FITM2: variants seen among roughly 807,000 people sequenced by gnomAD.
FITM2 encodes fat storage inducing transmembrane protein 2.
In FITM2, 16 loss-of-function variants were observed where a neutral mutation model predicts 23.3. That is an observed-to-expected ratio of 0.69 (90% confidence interval 0.47 to 1.05). FITM2 has a LOEUF of 1.05. FITM2 is among the 50% of genes least tolerant of loss of function. FITM2 has a pLI of 0.00. For missense variants in FITM2, 273 were observed against 327.5 expected (o/e 0.83, Z 1.29); for synonymous variants, 132 against 142.0 (o/e 0.93, Z 0.50).
At position 44,306,672 on chromosome 20, in the gene FITM2, G is replaced by A; in HGVS notation, c.742C>T (p.Pro248Ser). ...YPKAFSPGLP[P>S]QSCSLNLKQD... Reference sequence around the variant, plus strand: ...TTCAAATTCAAACTACAGCTCTGGGGAGGAAGTCCTGGGGAAAAGGCTTTC... The same window carrying A: ...TTCAAATTCAAACTACAGCTCTGGGAAGGAAGTCCTGGGGAAAAGGCTTTC... The change falls in exon 2 of 2, where the codon CCC becomes TCC. Residue 248 changes from proline to serine, a missense_variant. By Grantham distance (74) the Pro-to-Ser change is moderately conservative. This residue lies in a region of FITM2 where 33 missense variants were observed against 26.3 expected (regional missense o/e 1.25). Transcript: ENST00000396825. 6.2e-7 allele frequency: 1 copy of A among 1,614,118 alleles called. No individual in the cohort carries two copies. Among genetic ancestry groups the A allele is most frequent in the Non-Finnish European group, 8.5e-7 (1 of 1,180,032 alleles).
At chr20:44,308,106 C>T (rs1056103815) in intron 1 of FITM2, among the ~76,000 whole-genome samples, 5 of 151,042 alleles carry the variant, frequency 3.3e-5, no homozygotes, top group African/African-American at 7.3e-5. Context: ...ACAAAACAAA[C>T]GAAAAAAAAC....
In FITM2 at chr20:44,307,155, C is replaced by A; in HGVS notation, c.259G>T (p.Ala87Ser). The change falls in exon 2 of 2, where the codon GCT becomes TCT. Residue 87 changes from alanine (A) to serine (S), a missense_variant. Coordinates refer to ENST00000396825, the MANE Select transcript of FITM2 (RefSeq NM_001080472.4). ...CTCAGCCGCCGCAGGACCAAGCCAG[C>A]CTTGCCGGTCAGATGGTAGTTGGTG... is the stretch of plus-strand genomic sequence containing the variant. ...ALTNYHLTGK[A>S]GLVLRRLSTL... 1 of 1,614,188 alleles carries A rather than the reference C, an allele frequency of 6.2e-7. No homozygotes were observed.
In FITM2 at chr20:44,306,503, C is replaced by A; in HGVS notation, c.*122G>T. Reference sequence around the variant, plus strand: ...CTCCCCAGACTTCAGCACCACCCACCAAAACTGCCTGGTACACTTTCCCTC... The same window carrying A: ...CTCCCCAGACTTCAGCACCACCCACAAAAACTGCCTGGTACACTTTCCCTC... On this transcript the variant is annotated 3_prime_UTR_variant, in exon 2 of 2. Coordinates refer to ENST00000396825, the MANE Select transcript of FITM2 (RefSeq NM_001080472.4). 1 of 1,409,510 alleles carries A rather than the reference C, an allele frequency of 7.1e-7. No homozygotes were observed. Among genetic ancestry groups the A allele is most frequent in the Non-Finnish European group, 9.5e-7 (1 of 1,053,230 alleles). 87.3% of individuals were successfully genotyped at this position (1,409,510 alleles called of 1,614,324 possible). A position where few individuals can be genotyped will look rare whatever the true frequency, so the allele number is the denominator to read the frequency against.
In FITM2 at chr20:44,310,972, T is replaced by C; in HGVS notation, c.173+4A>G. 6.5e-7 allele frequency: 1 copy of C among 1,547,064 alleles called. No homozygotes were observed. Among genetic ancestry groups the C allele is most frequent in the Non-Finnish European group, 8.7e-7 (1 of 1,144,838 alleles). ...GGGACAGCGGAGGACCGGGGTGCAC[T>C]CACACGTTGAGGACGTTGCGCTTGT... On this transcript the variant is annotated splice_donor_region_variant and intron_variant, in intron 1 of 1. Transcript: ENST00000396825.
rs1375599170 is a variant in FITM2, at chr20:44,311,042, G to C, written c.107C>G (p.Ser36Cys). 1.9e-6 allele frequency: 3 copies of C among 1,598,698 alleles called. No homozygotes were observed. The highest frequency in any genetic ancestry group is 1.7e-6 in the Non-Finnish European group (2 of 1,173,908). The change falls in exon 1 of 2, where the codon TCC becomes TGC. Residue 36 changes from serine to cysteine, a missense_variant. This residue lies in a region of FITM2 where 123 missense variants were observed against 117.9 expected (regional missense o/e 1.04). Coordinates refer to ENST00000396825, the MANE Select transcript of FITM2 (RefSeq NM_001080472.4). The part of the protein sequence containing the change: ...WALVASMLAG[S>C]LLKELSPLPE... ...CAACGGGGACAACTCCTTGAGGAGGGAGCCCGCCAGCATGGAGGCCACCAG... is the reference window on the plus strand; with the variant it reads ...CAACGGGGACAACTCCTTGAGGAGGCAGCCCGCCAGCATGGAGGCCACCAG...
At chr20:44,310,496 C>A (rs1007184370) in intron 1 of FITM2, among the ~76,000 whole-genome samples, 5 of 152,232 alleles carry the variant, frequency 3.3e-5, no homozygotes, top group African/African-American at 1.2e-4. Context: ...TGGGGCGAGG[C>A]TCTTCCACAG....
chr20:44,310,966 G>A lies in FITM2; in HGVS notation c.173+10C>T. ...CGGGCGGGGACAGCGGAGGACCGGGGTGCACTCACACGTTGAGGACGTTGC... is the reference window on the plus strand; with the variant it reads ...CGGGCGGGGACAGCGGAGGACCGGGATGCACTCACACGTTGAGGACGTTGC... On this transcript the variant is annotated intron_variant, in intron 1 of 1. Transcript: ENST00000396825. The A allele has an allele frequency of 2.6e-6, 4 of 1,543,294 alleles. No homozygotes were observed. Among genetic ancestry groups the A allele is most frequent in the Middle Eastern group, 3.8e-4 (2 of 5,240 alleles).
chr20:44,308,247 T>A (rs2146091014), intron 1 of FITM2, among the ~76,000 whole-genome samples: 1 of 152,308 alleles, frequency 6.6e-6, no homozygotes, highest in South Asian at 2.1e-4. Context: ...TCTGTCGTCT[T>A]AAGCACTATG....
rs2062680949 is a variant in FITM2 at position 44,303,013 on chromosome 20, G to A, written c.*3612C>T. On this transcript the variant is annotated 3_prime_UTR_variant, in exon 2 of 2. Coordinates refer to ENST00000396825, the MANE Select transcript of FITM2 (RefSeq NM_001080472.4). ...ATCTCAACATAGAAAGGCAAAATAAGCATGGCAGTATTCTATGATCACAGA... is the reference window on the plus strand; with the variant it reads ...ATCTCAACATAGAAAGGCAAAATAAACATGGCAGTATTCTATGATCACAGA... 1 of 152,150 alleles carries A rather than the reference G, an allele frequency of 6.6e-6. No individual in the cohort carries two copies. Among genetic ancestry groups the A allele is most frequent in the South Asian group, 2.1e-4 (1 of 4,822 alleles). 9.4% of individuals were successfully genotyped at this position (152,150 alleles called of 1,614,324 possible).
At position 44,307,071 on chromosome 20, in the gene FITM2, C is replaced by T. The variant is rs759703506; in HGVS notation, c.343G>A (p.Glu115Lys). Residue 115 changes from glutamate (E) to lysine (K), a missense_variant, in exon 2 of 2, where the codon GAA becomes AAA. Physicochemically the swap from Glu to Lys is moderately conservative, Grantham distance 56. This residue lies in a region of FITM2 where 117 missense variants were observed against 183.3 expected (regional missense o/e 0.64). Coordinates refer to ENST00000396825, the MANE Select transcript of FITM2 (RefSeq NM_001080472.4). ...YICTSIFSNI[E>K]HYTGSCYQSP... ...TGGTAGCAGCTGCCCGTGTAGTGTTCGATGTTGGAGAAGATGGAGGTGCAG... is the reference window on the plus strand; with the variant it reads ...TGGTAGCAGCTGCCCGTGTAGTGTTTGATGTTGGAGAAGATGGAGGTGCAG... 1.3e-5 allele frequency: 21 copies of T among 1,613,966 alleles called. No homozygotes were observed. The highest frequency in any genetic ancestry group is 5.3e-5 in the African/African-American group (4 of 74,876).
In FITM2 at chr20:44,310,896, G is replaced by A. The variant is rs1001218170; in HGVS notation, c.173+80C>T. The stretch of plus-strand genomic sequence containing the variant: ...CCCCTCCAATGACTCGTCCACCACG[G>A]CAGCTAGCACCGGCTTCTCTGGGCG... On this transcript the variant is annotated intron_variant, in intron 1 of 1. Transcript: ENST00000396825. The A allele has an allele frequency of 1.1e-5, 16 of 1,471,258 alleles. No individual in the cohort carries two copies. In the African/African-American group the frequency reaches 2.0e-4, roughly 18 times the overall value. 91.1% of individuals were successfully genotyped at this position (1,471,258 alleles called of 1,614,324 possible).
chr20:44,307,364 T>G, intron 1 of FITM2, 124 bp from the exon 2 acceptor site: 4 of 1,140,892 alleles, frequency 3.5e-6, no homozygotes, highest in Non-Finnish European at 3.7e-6. Flanking sequence ...CTACAGCTCA[T>G]AGCAACTATC....
In FITM2 at chr20:44,306,755, A is replaced by G; in HGVS notation, c.659T>C (p.Val220Ala). 1.2e-6 allele frequency: 2 copies of G among 1,614,088 alleles called. No homozygotes were observed. Among genetic ancestry groups the G allele is most frequent in the Non-Finnish European group, 1.7e-6 (2 of 1,180,026 alleles). The part of the protein sequence containing the change: ...AVYFHNLSQK[V>A]FGTLFGLLSW... ...CAGCAAACCAAACAAGGTGCCAAAC[A>G]CCTTCTGGGACAAGTTGTGGAAATA... Residue 220 changes from valine to alanine, a missense_variant, in exon 2 of 2, where the codon GTG becomes GCG. Physicochemically the swap from Val to Ala is moderately conservative, Grantham distance 64. This residue lies in a region of FITM2 where 117 missense variants were observed against 183.3 expected (regional missense o/e 0.64). Transcript: ENST00000396825.
rs368232104 is a variant in FITM2, at chr20:44,306,876, G to C, written c.538C>G (p.Arg180Gly). 8.7e-6 allele frequency: 14 copies of C among 1,613,980 alleles called. No homozygotes were observed. In the African/African-American group the frequency reaches 1.7e-4, roughly 20 times the overall value. ...ATGGCGGTGTGGAGGCAGTGGCTTC[G>C]GTCCGTCTTCACCTCATGCAGCACA... ...MSVLHEVKTD[R>G]SHCLHTAITT... Residue 180 changes from arginine to glycine, a missense_variant, in exon 2 of 2, where the codon CGA becomes GGA. Around this residue, in one of 3 missense-constraint regions of FITM2, gnomAD observed 117 missense variants for 183.3 expected, o/e 0.64. Transcript: ENST00000396825.
rs1396057417 is a variant in FITM2, at chr20:44,306,934, G to A, written c.480C>T (p.Thr160=). 8 of 1,614,208 alleles carry A rather than the reference G, an allele frequency of 5.0e-6. No individual in the cohort carries two copies. The highest frequency in any genetic ancestry group is 3.3e-5 in the Admixed American group (2 of 60,010). Residue 160 remains threonine, a synonymous_variant, in exon 2 of 2, where the codon ACC becomes ACT. Coordinates refer to ENST00000396825, the MANE Select transcript of FITM2 (RefSeq NM_001080472.4). ...CTTCTACAATCATGAGGGCGCAGAAGGTCAGCAGGAAGGAGTGACCTGAGA... is the reference window on the plus strand; with the variant it reads ...CTTCTACAATCATGAGGGCGCAGAAAGTCAGCAGGAAGGAGTGACCTGAGA... The part of the protein sequence containing the change: ...FDISGHSFLL[T]FCALMIVEEM...
At chr20:44,309,617 C>T (rs1159525937) in intron 1 of FITM2, among the ~76,000 whole-genome samples, 1 of 152,180 alleles carries the variant, frequency 6.6e-6, no homozygotes, top group Admixed American at 6.5e-5. Flanking sequence ...CTTTCCAGGC[C>T]TCAGTTTCTT....
intron 1 of FITM2, 84 bp from the exon 2 acceptor site, chr20:44,307,324 G>A (rs2062693591): frequency 1.3e-6 from 2 of 1,518,634 alleles, no homozygotes; most frequent in African/African-American, 2.8e-5. Flanking sequence ...TACACTGTCA[G>A]GGGAGGGAAA....
chr20:44,307,985 G>C (rs1046736794), intron 1 of FITM2, among the ~76,000 whole-genome samples: 1 of 152,040 alleles, frequency 6.6e-6, no homozygotes, highest in Non-Finnish European at 1.5e-5. Context: ...TACTCGGGAG[G>C]CTGAGGCAGG....
rs527307599 is a variant in FITM2, at chr20:44,305,139, G to A, written c.*1486C>T. 5.9e-5 allele frequency: 9 copies of A among 152,252 alleles called. No individual in the cohort carries two copies. Among genetic ancestry groups the A allele is most frequent in the Admixed American group, 4.6e-4 (7 of 15,288 alleles). 9.4% of individuals were successfully genotyped at this position (152,252 alleles called of 1,614,324 possible). A position where few individuals can be genotyped will look rare whatever the true frequency, so the allele number is the denominator to read the frequency against. ...TCTAAACCAACCAACCAATCAACCA[G>A]CCAACCAACCAACCAACAAACCCTC... On this transcript the variant is annotated 3_prime_UTR_variant, in exon 2 of 2. Coordinates refer to ENST00000396825, the MANE Select transcript of FITM2 (RefSeq NM_001080472.4).
Sources: allele counts gnomAD v4.1 joint callset (sites outside exome capture counted in the v4.1 genomes callset), GRCh38; gene constraint gnomAD v4.1.1; regional missense constraint gnomAD v4.1.1; transcripts MANE v1.5; gene names NCBI Gene and HGNC (gene_info 2026-07-23, HGNC 2026-07-21).